VPS41: variants seen among roughly 807,000 people sequenced by gnomAD.
VPS41 encodes vacuolar protein sorting-associated protein 41 homolog.
Under a neutral mutation model 130.9 loss-of-function variants are expected in VPS41, and 85 were observed. The ratio of observed to expected loss-of-function variants is 0.65; its 90% CI spans 0.55 to 0.78. The LOEUF (loss-of-function observed/expected upper bound fraction) is 0.78, where lower values mean the gene tolerates loss of function less well. Among genes scored for constraint, VPS41 ranks in the 30% least tolerant of loss-of-function variants. VPS41 has a pLI of 0.00. For missense variants in VPS41, 874 were observed against 1,018.7 expected (o/e 0.86, Z 1.93); for synonymous variants, 335 against 332.9 (o/e 1.01, Z -0.07).
At chr7:38,772,457 A>G in intron 13 of VPS41, 65 bp downstream of exon 13, 1 of 1,131,888 alleles carries the variant, frequency 8.8e-7, no homozygotes, top group South Asian at 1.6e-5. Context: ...TTACAAAAAC[A>G]TTTTATCTTC....
rs557730508 is a variant in VPS41, at chr7:38,870,148, T to G, written c.61-895A>C. Among the ~76,000 whole-genome samples the G allele has an allele frequency of 2.7e-3, 408 of 152,238 alleles. 1 individual carries two copies. The highest frequency in any genetic ancestry group is 9.1e-3 in the African/African-American group (376 of 41,540). The stretch of plus-strand genomic sequence containing the variant: ...GGGGTAGGGAAAGCAGCACACCTTC[T>G]GGCACTTGCGGGGATGGAGTGACAA... On this transcript the variant is annotated intron_variant, in intron 2 of 28. Coordinates refer to ENST00000310301, the MANE Select transcript of VPS41 (RefSeq NM_014396.4).
At position 38,846,435 on chromosome 7, in the gene VPS41, G is replaced by A. The variant is rs1029989494; in HGVS notation, c.247-16107C>T. Among the ~76,000 whole-genome samples the A allele has an allele frequency of 7.2e-5, 11 of 152,308 alleles. 1 individual carries two copies. In the South Asian group the frequency reaches 1.0e-3, roughly 14 times the overall value. ...GCCATGTCACAGAGAAGATGACACC[G>A]ATAATTTGCGTACGCAAAGACAAGA... On this transcript the variant is annotated intron_variant, in intron 4 of 28. Transcript: ENST00000310301.
At chr7:38,803,339 C>G (rs1430077340) in intron 7 of VPS41, among the ~76,000 whole-genome samples, 1 of 152,186 alleles carries the variant, frequency 6.6e-6, no homozygotes, top group Non-Finnish European at 1.5e-5. Context: ...TCACTTGGCT[C>G]CTTCAGGCTT....
At chr7:38,882,482 C>T (rs1485106585) in intron 2 of VPS41, among the ~76,000 whole-genome samples, 1 of 152,198 alleles carries the variant, frequency 6.6e-6, no homozygotes, top group Non-Finnish European at 1.5e-5. Context: ...TGAACACCAT[C>T]TAAATGCTGA....
At chr7:38,885,261 G>C (rs1267728150) in intron 2 of VPS41, among the ~76,000 whole-genome samples, 1 of 152,070 alleles carries the variant, frequency 6.6e-6, no homozygotes, top group African/African-American at 2.4e-5. Context: ...TTTTAGTAGA[G>C]ACGGGGTTTC....
At chr7:38,861,811 T>A (rs551788835) in intron 4 of VPS41, among the ~76,000 whole-genome samples, 4 of 152,246 alleles carry the variant, frequency 2.6e-5, no homozygotes, top group South Asian at 2.1e-4. Flanking sequence ...CACACCAAAA[T>A]CAAGCTTCAA....
chr7:38,873,029 C>T (rs1017464053), intron 2 of VPS41, among the ~76,000 whole-genome samples: 2 of 152,148 alleles, frequency 1.3e-5, no homozygotes, highest in Non-Finnish European at 2.9e-5. Context: ...CACTCATCCA[C>T]GGACCATTAG....
At chr7:38,801,332 A>AG in intron 7 of VPS41, among the ~76,000 whole-genome samples, 1 of 152,210 alleles carries the variant, frequency 6.6e-6, no homozygotes. Flanking sequence ...TCAAAAATGG[A>AG]GGGGGGCTAA....
chr7:38,803,662 A>G (rs545842595), intron 7 of VPS41, among the ~76,000 whole-genome samples: 3 of 152,328 alleles, frequency 2.0e-5, no homozygotes, highest in African/African-American at 7.2e-5. Flanking sequence ...TCAAGATTAG[A>G]AAAGATCATG....
chr7:38,763,209 GCT>G (rs1406313906), intron 17 of VPS41, among the ~76,000 whole-genome samples: 1 of 152,110 alleles, frequency 6.6e-6, no homozygotes, highest in Non-Finnish European at 1.5e-5. Context: ...ATAGCACTTA[GCT>G]CTTTTTCTTT....
chr7:38,779,045 T>C (rs1438677411), intron 10 of VPS41, among the ~76,000 whole-genome samples: 4 of 152,232 alleles, frequency 2.6e-5, no homozygotes, highest in African/African-American at 7.2e-5. Context: ...TCCAATGTGT[T>C]CTAAAACAAA....
intron 5 of VPS41, among the ~76,000 whole-genome samples, chr7:38,821,912 C>T (rs1785179869): frequency 6.6e-6 from 1 of 152,026 alleles, no homozygotes; most frequent in Non-Finnish European, 1.5e-5. Context: ...CTTCCATAAG[C>T]TGTCCCTAAA....
intron 4 of VPS41, among the ~76,000 whole-genome samples, chr7:38,844,147 A>G (rs1282377498): frequency 6.6e-6 from 1 of 152,238 alleles, no homozygotes; most frequent in African/African-American, 2.4e-5. Context: ...TGACTGTTAT[A>G]CTCCTAATAC....
At chr7:38,783,646 G>A (rs1019143323) in intron 10 of VPS41, among the ~76,000 whole-genome samples, 14 of 152,136 alleles carry the variant, frequency 9.2e-5, no homozygotes, top group African/African-American at 3.4e-4. Flanking sequence ...AGGTACAGAT[G>A]AGGGTGGAAA....
rs1005164542 is a variant in VPS41 at position 38,875,596 on chromosome 7, C to T, written c.61-6343G>A. Among the ~76,000 whole-genome samples, 38 of 152,130 alleles carry T rather than the reference C, an allele frequency of 2.5e-4. 1 individual carries two copies. Among genetic ancestry groups the T allele is most frequent in the African/African-American group, 8.9e-4 (37 of 41,440 alleles). On this transcript the variant is annotated intron_variant, in intron 2 of 28. Transcript: ENST00000310301. ...TATAGATCCTTCTAAAGTGTCAAAA[C>T]GTATCAAGAAAACTACATAAACAAG...
chr7:38,737,174 G>A (rs1459965700), intron 25 of VPS41, among the ~76,000 whole-genome samples: 2 of 152,136 alleles, frequency 1.3e-5, no homozygotes, highest in Non-Finnish European at 2.9e-5. Flanking sequence ...AGGAGATGAA[G>A]ACTATCCTGG....
chr7:38,779,422 A>T (rs1398841736), intron 10 of VPS41, among the ~76,000 whole-genome samples: 1 of 152,184 alleles, frequency 6.6e-6, no homozygotes, highest in Non-Finnish European at 1.5e-5. Flanking sequence ...ATGATTCTCA[A>T]ATTAAGAATT....
intron 4 of VPS41, among the ~76,000 whole-genome samples, chr7:38,850,237 T>A (rs1230605397): frequency 6.6e-6 from 1 of 152,206 alleles, no homozygotes; most frequent in Non-Finnish European, 1.5e-5. Context: ...GGTTATAAAA[T>A]GGTACCATAT....
At chr7:38,889,439 G>T (rs745408528) in intron 2 of VPS41, among the ~76,000 whole-genome samples, 3 of 151,200 alleles carry the variant, frequency 2.0e-5, no homozygotes, top group African/African-American at 7.3e-5. Context: ...ATGAAAATGG[G>T]TTTCTCATTT....
Sources: allele counts gnomAD v4.1 joint callset (sites outside exome capture counted in the v4.1 genomes callset), GRCh38; gene constraint gnomAD v4.1.1; transcripts MANE v1.5; gene names NCBI Gene and HGNC (gene_info 2026-07-23, HGNC 2026-07-21).